SOX6: variants seen among roughly 807,000 people sequenced by gnomAD.
The protein encoded by SOX6 is transcription factor SOX-6.
SOX6 carries 11 observed loss-of-function variants against 97.8 expected under a neutral mutation model. The ratio of observed to expected loss-of-function variants is 0.11; its 90% CI spans 0.07 to 0.19. SOX6 has a LOEUF of 0.19. SOX6 is among the 10% of genes least tolerant of loss of function. The pLI is 1.00. For missense variants in SOX6, 810 were observed against 1,039.5 expected (o/e 0.78, Z 3.04); for synonymous variants, 360 against 371.4 (o/e 0.97, Z 0.35).
At chr11:16,484,088 T>C (rs756442266) in intron 4 of SOX6, 3 of 769,890 alleles carry the variant, frequency 3.9e-6, no homozygotes, top group Non-Finnish European at 4.8e-6. Flanking sequence ...TGGACTTAAC[T>C]TCTCCTGAAT....
At chr11:16,398,068 A>C (rs73433503) in intron 1 of SOX6, among the ~76,000 whole-genome samples, 1 of 151,522 alleles carries the variant, frequency 6.6e-6, no homozygotes, top group African/African-American at 2.4e-5. Context: ...AATGCAATCT[A>C]TAAACACTTG....
At chr11:16,240,521 G>T (rs564488417) in intron 3 of SOX6, among the ~76,000 whole-genome samples, 1 of 152,012 alleles carries the variant, frequency 6.6e-6, no homozygotes, top group South Asian at 2.1e-4. Context: ...CTTAAAACCA[G>T]TACTTAACAT....
intron 2 of SOX6, among the ~76,000 whole-genome samples, chr11:16,731,118 C>A (rs1446674497): frequency 6.6e-6 from 1 of 151,702 alleles, no homozygotes; most frequent in Non-Finnish European, 1.5e-5. Flanking sequence ...AGCCTACCAA[C>A]AAAAAGAAGC....
At chr11:16,394,060 C>T (rs925226330) in intron 1 of SOX6, among the ~76,000 whole-genome samples, 2 of 151,948 alleles carry the variant, frequency 1.3e-5, no homozygotes, top group African/African-American at 4.8e-5. Context: ...AATAGCTCTA[C>T]TTTAACCATT....
At chr11:16,035,054 C>G (rs371829888) in intron 12 of SOX6, among the ~76,000 whole-genome samples, 1 of 152,168 alleles carries the variant, frequency 6.6e-6, no homozygotes, top group East Asian at 1.9e-4. Flanking sequence ...GATTTATACC[C>G]ACAATGAGAA....
rs1200586156 is a variant in SOX6, at chr11:16,356,343, A to G, written c.-254T>C. 6.6e-6 allele frequency among the ~76,000 whole-genome samples: 1 copy of G among 152,132 alleles called. No homozygotes were observed. Among genetic ancestry groups the G allele is most frequent in the East Asian group, 1.9e-4 (1 of 5,196 alleles). ...CAAAACACTGTTAACTTTGTTCAAC[A>G]ATTAAAGGAGTTAAAAACATAAAAG... On this transcript the variant is annotated 5_prime_UTR_variant, in exon 1 of 16. Transcript: ENST00000683767.
intron 4 of SOX6, among the ~76,000 whole-genome samples, chr11:16,541,035 C>A (rs879722225): frequency 2.2e-4 from 34 of 152,108 alleles, no homozygotes; most frequent in Non-Finnish European, 7.4e-5. Flanking sequence ...GCCAAAAGAA[C>A]AAAGATGGAA....
intron 1 of SOX6, among the ~76,000 whole-genome samples, chr11:16,381,204 A>G (rs1026098507): frequency 2.0e-5 from 3 of 152,092 alleles, no homozygotes; most frequent in Admixed American, 2.0e-4. Context: ...GAAGAGAGAA[A>G]AGAGCTGACA....
At chr11:16,569,677 G>C (rs1847915756) in intron 4 of SOX6, among the ~76,000 whole-genome samples, 1 of 151,726 alleles carries the variant, frequency 6.6e-6, no homozygotes, top group African/African-American at 2.4e-5. Flanking sequence ...GACCATCCTG[G>C]CTAACATGGT....
intron 4 of SOX6, among the ~76,000 whole-genome samples, chr11:16,222,646 G>C (rs186900086): frequency 2.6e-5 from 4 of 152,082 alleles, no homozygotes; most frequent in African/African-American, 9.7e-5. Context: ...AAAAATGTAA[G>C]AGTGCAAATG....
upstream of SOX6, among the ~76,000 whole-genome samples, chr11:16,481,047 G>A (rs897766659): frequency 6.6e-6 from 1 of 151,858 alleles, no homozygotes; most frequent in African/African-American, 2.4e-5. Flanking sequence ...AATTCAAGTG[G>A]GTTTTGCAGG....
chr11:16,564,030 G>T (rs1338866084), intron 4 of SOX6, among the ~76,000 whole-genome samples: 1 of 151,916 alleles, frequency 6.6e-6, no homozygotes, highest in Non-Finnish European at 1.5e-5. Flanking sequence ...GGGATGCAGG[G>T]GAAATCAAAA....
Position 16,015,021 on chromosome 11 carries a change from G to C in SOX6, c.1653C>G (p.Pro551=), listed in dbSNP as rs762461754. Residue 551 remains proline, a synonymous_variant, in exon 13 of 16, where the codon CCC becomes CCG. Transcript: ENST00000683767. The stretch of plus-strand genomic sequence containing the variant: ...CTTCATTTGACTTTCCCGTTAACTG[G>C]GGCCCCAAATTCTCAAAGCGCGTTC... ...KERTRFENLG[P]QLTGKSNEDG... The C allele has an allele frequency of 1.9e-6, 3 of 1,612,820 alleles. No individual in the cohort carries two copies. The highest frequency in any genetic ancestry group is 2.7e-5 in the African/African-American group (2 of 74,900).
chr11:16,614,327 A>C (rs1435410322), intron 3 of SOX6, among the ~76,000 whole-genome samples: 2 of 152,092 alleles, frequency 1.3e-5, no homozygotes, highest in Non-Finnish European at 2.9e-5. Flanking sequence ...AAAGGGACTC[A>C]GGGACGCGGC....
At chr11:16,102,052 A>C (rs1459690626) in intron 7 of SOX6, among the ~76,000 whole-genome samples, 1 of 151,894 alleles carries the variant, frequency 6.6e-6, no homozygotes, top group East Asian at 1.9e-4. Flanking sequence ...ACAGACAGAA[A>C]ATAGGGGCAT....
At chr11:16,461,445 A>G (rs546086809) in intron 1 of SOX6, among the ~76,000 whole-genome samples, 59 of 152,264 alleles carry the variant, frequency 3.9e-4, no homozygotes, top group African/African-American at 1.3e-3. Context: ...GCCTTAGCTT[A>G]GCCTTATGGA....
At chr11:16,695,101 G>A (rs1174320011) in intron 3 of SOX6, among the ~76,000 whole-genome samples, 2 of 152,146 alleles carry the variant, frequency 1.3e-5, no homozygotes, top group Non-Finnish European at 2.9e-5. Flanking sequence ...ACCAAGGGAT[G>A]ACTGTAGTTC....
intron 12 of SOX6, among the ~76,000 whole-genome samples, chr11:16,041,848 C>G (rs1452042316): frequency 6.6e-6 from 1 of 152,110 alleles, no homozygotes; most frequent in African/African-American, 2.4e-5. Context: ...TAAGAAGCTG[C>G]CTGTTAGAAT....
chr11:16,011,634 T>C (rs1369413516), intron 13 of SOX6, among the ~76,000 whole-genome samples: 1 of 152,088 alleles, frequency 6.6e-6, no homozygotes, highest in East Asian at 1.9e-4. Context: ...CTAAGTGATA[T>C]TGTCATTTTC....
Sources: gnomAD v4.1 joint callset for allele counts (sites outside exome capture counted in the v4.1 genomes callset) on GRCh38, gnomAD v4.1.1 for gene constraint, MANE v1.5 for transcripts, NCBI Gene and HGNC (gene_info 2026-07-23, HGNC 2026-07-21) for gene names.